Variants in RAD54L2 observed in about 807,000 individuals in gnomAD.
RAD54L2 encodes the protein helicase ARIP4.
In RAD54L2, 27 loss-of-function variants were observed where a neutral mutation model predicts 138.4. The ratio of observed to expected loss-of-function variants is 0.20; its 90% CI spans 0.14 to 0.27. RAD54L2 has a LOEUF of 0.27. Ranked by LOEUF, RAD54L2 falls within the 10% of genes least tolerant of loss-of-function variation. RAD54L2 has a pLI of 1.00. For synonymous variants in RAD54L2, 644 were observed against 723.2 expected, an observed-to-expected ratio of 0.89 and a Z score of 1.76; for missense variants, 1,396 against 1,890.2, an observed-to-expected ratio of 0.74 and a Z score of 4.85.
chr3:51,616,286 C>T lies in RAD54L2; in HGVS notation c.140-11267C>T, dbSNP rs1356044772. Among the ~76,000 whole-genome samples the T allele has an allele frequency of 6.6e-5, 10 of 152,298 alleles. No individual in the cohort carries two copies. In the East Asian group the frequency reaches 1.9e-3, roughly 29 times the overall value. Reference sequence around the variant, plus strand: ...CTCTCTTCATCCTCTCTTCCCTACCCTTCCAACTTCTGGTATCTCTAATTT... The same window carrying T: ...CTCTCTTCATCCTCTCTTCCCTACCTTTCCAACTTCTGGTATCTCTAATTT... On this transcript the variant is annotated intron_variant, in intron 3 of 22. Coordinates refer to ENST00000684192, the MANE Select transcript of RAD54L2 (RefSeq NM_015106.4).
At position 51,598,681 on chromosome 3, in the gene RAD54L2, A is replaced by C. The variant is rs538324604; in HGVS notation, c.139+8122A>C. 7.2e-5 allele frequency among the ~76,000 whole-genome samples: 11 copies of C among 152,166 alleles called. No individual in the cohort carries two copies. In the South Asian group the frequency reaches 2.3e-3, roughly 32 times the overall value. On this transcript the variant is annotated intron_variant, in intron 3 of 22. Coordinates refer to ENST00000684192, the MANE Select transcript of RAD54L2 (RefSeq NM_015106.4). ...TGAGGCAGGAGAATTGCTTGAACCC[A>C]GGGGGCAGAGACTGCAGTGAGCCAA...
chr3:51,636,793 C>T (rs1340743266), intron 10 of RAD54L2, among the ~76,000 whole-genome samples: 1 of 152,170 alleles, frequency 6.6e-6, no homozygotes, highest in African/African-American at 2.4e-5. Context: ...ATTAGCCAGG[C>T]ATGGTGGCGC....
At chr3:51,655,105 T>C (rs959206110) in intron 19 of RAD54L2, among the ~76,000 whole-genome samples, 3 of 152,152 alleles carry the variant, frequency 2.0e-5, no homozygotes, top group African/African-American at 2.4e-5. Context: ...AGCAATGTGA[T>C]TGAGGCATCA....
chr3:51,597,240 C>A (rs1409373191), intron 3 of RAD54L2, among the ~76,000 whole-genome samples: 1 of 150,484 alleles, frequency 6.6e-6, no homozygotes, highest in Non-Finnish European at 1.5e-5. Flanking sequence ...AATCAAAGTC[C>A]AGGTCAGAAA....
chr3:51,650,502 T>C (rs1158165526), intron 19 of RAD54L2, among the ~76,000 whole-genome samples: 2 of 152,144 alleles, frequency 1.3e-5, no homozygotes, highest in East Asian at 1.9e-4. Context: ...AGCACCACAT[T>C]GCACTTATTC....
chr3:51,592,869 G>C (rs1699869477), intron 3 of RAD54L2, among the ~76,000 whole-genome samples: 1 of 152,116 alleles, frequency 6.6e-6, no homozygotes, highest in Non-Finnish European at 1.5e-5. Flanking sequence ...TCCACACCCG[G>C]CCTAAAGCTT....
In RAD54L2 at chr3:51,662,522, C is replaced by T. The variant is rs376762989; in HGVS notation, c.3506C>T (p.Ser1169Phe). The part of the protein sequence containing the change: ...PDPEGLARPV[S>F]PDSPEIISEL... ...CCTGAGGGGCTGGCCAGGCCCGTCT[C>T]TCCTGACAGCCCAGAGATCATCAGT... is the stretch of plus-strand genomic sequence containing the variant. The change falls in exon 23 of 23, where the codon TCT (serine) becomes TTT (phenylalanine). Residue 1169 changes from serine (S) to phenylalanine (F), a missense_variant. Coordinates refer to ENST00000684192, the MANE Select transcript of RAD54L2 (RefSeq NM_015106.4). This position sits in a 1 kb window ranked among gnomAD's most constrained non-coding sequence, Gnocchi z 4.6. 221 of 1,613,354 alleles carry T rather than the reference C, an allele frequency of 1.4e-4. 1 individual carries two copies. The highest frequency in any genetic ancestry group is 1.6e-4 in the Non-Finnish European group (190 of 1,179,644).
intron 2 of RAD54L2, among the ~76,000 whole-genome samples, chr3:51,566,461 T>C (rs1699218874): frequency 6.7e-6 from 1 of 148,600 alleles, no homozygotes. Flanking sequence ...CACAGCCTTT[T>C]CTGCGTTTTT....
intron 3 of RAD54L2, among the ~76,000 whole-genome samples, chr3:51,601,672 G>A (rs940376165): frequency 1.3e-5 from 2 of 151,696 alleles, no homozygotes; most frequent in Admixed American, 6.6e-5. Context: ...TTGAACTCCC[G>A]ACATCAGATA....
intron 2 of RAD54L2, among the ~76,000 whole-genome samples, chr3:51,578,136 TC>T (rs1193746453): frequency 1.3e-4 from 8 of 63,732 alleles, no homozygotes; most frequent in Admixed American, 1.9e-4. Flanking sequence ...TCCCCCACAC[TC>T]CCCCCCTGCC....
chr3:51,624,872 A>G (rs1053803519), intron 3 of RAD54L2, among the ~76,000 whole-genome samples: 1 of 152,224 alleles, frequency 6.6e-6, no homozygotes, highest in African/African-American at 2.4e-5. Context: ...GGTGAGCAGT[A>G]ACATGGATAC....
At chr3:51,558,355 A>G (rs962667395) in intron 2 of RAD54L2, among the ~76,000 whole-genome samples, 5 of 152,110 alleles carry the variant, frequency 3.3e-5, no homozygotes, top group African/African-American at 9.7e-5. Context: ...TGTTTAGAGG[A>G]AGACTATTTT....
chr3:51,596,771 G>A (rs1272107170), intron 3 of RAD54L2, among the ~76,000 whole-genome samples: 1 of 152,160 alleles, frequency 6.6e-6, no homozygotes. Flanking sequence ...CTCCAAGAAG[G>A]TATCCTGAGC....
Position 51,655,737 on chromosome 3 carries a change from C to A in RAD54L2, c.3027-234C>A, listed in dbSNP as rs113345598. Among the ~76,000 whole-genome samples, 773 of 152,306 alleles carry A rather than the reference C, an allele frequency of 5.1e-3. 5 individuals are homozygous for A. Among genetic ancestry groups the A allele is most frequent in the African/African-American group, 0.017 (720 of 41,550 alleles). On this transcript the variant is annotated intron_variant, in intron 19 of 22. Transcript: ENST00000684192. ...TCTCCAGAAAGTATTATTCCACCAA[C>A]ATCTGATTCTCCTTAGACTTTGACA...
At chr3:51,646,795 C>T (rs973680859) in intron 19 of RAD54L2, among the ~76,000 whole-genome samples, 1 of 152,168 alleles carries the variant, frequency 6.6e-6, no homozygotes, top group Non-Finnish European at 1.5e-5. Context: ...GCATCTGACC[C>T]CTAGCACCTT....
intron 2 of RAD54L2, among the ~76,000 whole-genome samples, chr3:51,547,391 A>C (rs1451485110): frequency 1.3e-5 from 2 of 151,854 alleles, no homozygotes; most frequent in African/African-American, 4.8e-5. Context: ...AAAAAAAGGA[A>C]GATGTTATAA....
intron 2 of RAD54L2, among the ~76,000 whole-genome samples, chr3:51,583,022 C>T (rs1308238893): frequency 6.6e-6 from 1 of 152,150 alleles, no homozygotes; most frequent in Non-Finnish European, 1.5e-5. Context: ...ACCTTGGCCT[C>T]CCAAAGTGCT....
At chr3:51,585,020 A>G (rs928670701) in intron 2 of RAD54L2, among the ~76,000 whole-genome samples, 10 of 151,502 alleles carry the variant, frequency 6.6e-5, no homozygotes, top group African/African-American at 2.4e-4. Context: ...AGCCCAGCCC[A>G]GGCTGGTCTC....
chr3:51,545,010 A>G (rs1553671964), intron 2 of RAD54L2, among the ~76,000 whole-genome samples: 1 of 152,198 alleles, frequency 6.6e-6, no homozygotes. Context: ...AATAACGATT[A>G]TTTGAGCAAA....
Sources: allele counts gnomAD v4.1 joint callset (sites outside exome capture counted in the v4.1 genomes callset), GRCh38; gene constraint gnomAD v4.1.1; non-coding constraint Gnocchi (gnomAD v3.1); transcripts MANE v1.5; gene names NCBI Gene and HGNC (gene_info 2026-07-23, HGNC 2026-07-21).